DIAPH2: variants seen among roughly 807,000 people sequenced by gnomAD.
DIAPH2 encodes the protein diaphanous related formin 2.
In DIAPH2, 35 loss-of-function variants were observed where a neutral mutation model predicts 92.7. That is an observed-to-expected ratio of 0.38 (90% confidence interval 0.29 to 0.50). The LOEUF (loss-of-function observed/expected upper bound fraction) is 0.50. Among genes scored for constraint, DIAPH2 ranks in the 20% least tolerant of loss-of-function variants. The pLI, the probability that DIAPH2 is intolerant of heterozygous loss-of-function variation, is 0.94. For missense variants in DIAPH2, 701 were observed against 819.5 expected (o/e 0.86, Z 1.77); for synonymous variants, 301 against 280.4 (o/e 1.07, Z -0.73).
At chrX:97,554,034 AT>A (rs2071240151) in intron 26 of DIAPH2, among the ~76,000 whole-genome samples, 1 of 111,839 alleles carries the variant, frequency 8.9e-6, no homozygotes, top group Admixed American at 9.5e-5. Flanking sequence ...ATTCATATAC[AT>A]AATATGTATA....
intron 24 of DIAPH2, among the ~76,000 whole-genome samples, chrX:97,367,852 G>A (rs1424393946): frequency 9.0e-6 from 1 of 110,634 alleles, no homozygotes; most frequent in African/African-American, 3.3e-5. Flanking sequence ...ACAGGTGCTC[G>A]CCACCAGGCC....
At chrX:96,829,166 T>G (rs1210132610) in intron 4 of DIAPH2, among the ~76,000 whole-genome samples, 1 of 111,426 alleles carries the variant, frequency 9.0e-6, no homozygotes, top group Non-Finnish European at 1.9e-5. Flanking sequence ...CTGATAAAAC[T>G]ATATATTGCA....
At chrX:97,410,770 A>G (rs763726710) in intron 25 of DIAPH2, among the ~76,000 whole-genome samples, 5 of 112,359 alleles carry the variant, frequency 4.5e-5, no homozygotes, top group Admixed American at 3.8e-4. Flanking sequence ...ACAAGCTTCA[A>G]TAGATGATTC....
At chrX:97,499,064 A>C (rs1046779007) in intron 26 of DIAPH2, among the ~76,000 whole-genome samples, 8 of 111,863 alleles carry the variant, frequency 7.2e-5, no homozygotes, top group Non-Finnish European at 1.3e-4. Context: ...GGTTTGCCTC[A>C]GGGACTTGGC....
intron 21 of DIAPH2, among the ~76,000 whole-genome samples, chrX:97,134,174 C>A (rs1186734447): frequency 9.0e-6 from 1 of 111,597 alleles, no homozygotes; most frequent in Non-Finnish European, 1.9e-5. Flanking sequence ...TATCTGGAAT[C>A]TTCACAGCAT....
intron 18 of DIAPH2, among the ~76,000 whole-genome samples, chrX:97,073,402 A>T (rs1012742): frequency 0.16 from 18,277 of 111,245 alleles, 1,194 homozygotes; most frequent in East Asian, 0.34. Flanking sequence ...CACTAGTTAC[A>T]TTGGAAAAAT....
intron 1 of DIAPH2, among the ~76,000 whole-genome samples, chrX:96,693,071 G>T (rs1602430088): frequency 8.9e-6 from 1 of 112,072 alleles, no homozygotes. Flanking sequence ...GTAAATATGA[G>T]AAATCAACTT....
At position 96,888,439 on chromosome X, in the gene DIAPH2, A is replaced by G. The variant is rs184025818; in HGVS notation, c.587+6721A>G. ...AGGCATTTTTAATACATTAAAAAAT[A>G]ATGAAAAATTATGTGTGATATGTGT... On this transcript the variant is annotated intron_variant, in intron 5 of 26. Coordinates refer to ENST00000324765, the MANE Select transcript of DIAPH2 (RefSeq NM_006729.5). Among the ~76,000 whole-genome samples the G allele has an allele frequency of 3.5e-3, 370 of 106,775 alleles. 1 individual carries two copies. Among genetic ancestry groups the G allele is most frequent in the Middle Eastern group, 0.024 (5 of 206 alleles). 92.7% of individuals were successfully genotyped at this position (106,775 alleles called of 115,157 possible).
intron 26 of DIAPH2, among the ~76,000 whole-genome samples, chrX:97,517,311 A>T (rs1042671498): frequency 4.5e-5 from 5 of 112,130 alleles, no homozygotes; most frequent in Non-Finnish European, 9.4e-5. Context: ...TTAAGAAAAA[A>T]AATTATTTAC....
At chrX:97,465,273 C>CACACA (rs1569404531) in intron 26 of DIAPH2, among the ~76,000 whole-genome samples, 3 of 106,876 alleles carry the variant, frequency 2.8e-5, no homozygotes, top group Admixed American at 1.0e-4. Flanking sequence ...TAGAATTCAC[C>CACACA]CACACACACA....
chrX:97,336,370 C>G (rs1281217129), intron 23 of DIAPH2, among the ~76,000 whole-genome samples: 2 of 107,690 alleles, frequency 1.9e-5, no homozygotes, highest in Non-Finnish European at 3.8e-5. Flanking sequence ...CTCAGCCTCC[C>G]GAGTAGCTGG....
chrX:97,387,539 G>A (rs1404661009), intron 25 of DIAPH2, among the ~76,000 whole-genome samples: 2 of 111,767 alleles, frequency 1.8e-5, no homozygotes, highest in Non-Finnish European at 1.9e-5. Context: ...GGGGGATGTC[G>A]GTGTTTTTGT....
intron 25 of DIAPH2, among the ~76,000 whole-genome samples, chrX:97,427,641 G>T (rs932074493): frequency 6.6e-5 from 7 of 106,261 alleles, no homozygotes; most frequent in African/African-American, 2.4e-4. Flanking sequence ...TGAGCTTAAT[G>T]AATGTTGTTT....
intron 22 of DIAPH2, among the ~76,000 whole-genome samples, chrX:97,243,268 T>C (rs1177756725): frequency 9.6e-6 from 1 of 104,435 alleles, no homozygotes; most frequent in African/African-American, 3.5e-5. Flanking sequence ...TATGACAAGT[T>C]CTGGAACTTA....
chrX:96,958,173 T>A, intron 16 of DIAPH2, 25 bp downstream of exon 16: 1 of 1,194,717 alleles, frequency 8.4e-7, no homozygotes, highest in Non-Finnish European at 1.1e-6. Flanking sequence ...AGAGTTTTTT[T>A]ACTTTGTCTA....
intron 26 of DIAPH2, among the ~76,000 whole-genome samples, chrX:97,463,871 G>A (rs867877897): frequency 9.0e-5 from 10 of 111,054 alleles, no homozygotes; most frequent in South Asian, 3.8e-4. Flanking sequence ...CCATCACTGT[G>A]CGAATGACTT....
intron 5 of DIAPH2, chrX:96,884,244 CAA>C: frequency 9.7e-7 from 1 of 1,029,578 alleles, no homozygotes. Flanking sequence ...GTGGAGAACT[CAA>C]AGCCGTCCGT....
chrX:96,871,763 A>G (rs930964066), intron 4 of DIAPH2, among the ~76,000 whole-genome samples: 1 of 112,451 alleles, frequency 8.9e-6, no homozygotes, highest in Non-Finnish European at 1.9e-5. Context: ...AGACATAAAC[A>G]CATATGTTCA....
At chrX:97,214,836 T>TAAAAA (rs368311868) in intron 22 of DIAPH2, among the ~76,000 whole-genome samples, 7 of 62,757 alleles carry the variant, frequency 1.1e-4, no homozygotes, top group Admixed American at 2.2e-4. Flanking sequence ...CGTCTCAAAT[T>TAAAAA]AAAAAAAAAA....
Sources: gnomAD v4.1 joint callset for allele counts (sites outside exome capture counted in the v4.1 genomes callset) on GRCh38, gnomAD v4.1.1 for gene constraint, MANE v1.5 for transcripts, NCBI Gene and HGNC (gene_info 2026-07-23, HGNC 2026-07-21) for gene names.